SPG11: variants seen among roughly 807,000 people sequenced by gnomAD.
SPG11 encodes SPG11 vesicle trafficking associated, spatacsin, also known as spatacsin.
SPG11 carries 222 observed loss-of-function variants against 274.0 expected under a neutral mutation model. The ratio of observed to expected loss-of-function variants is 0.81; its 90% CI spans 0.73 to 0.91. The LOEUF (loss-of-function observed/expected upper bound fraction) is 0.91. Ranked by LOEUF, SPG11 falls within the 40% of genes least tolerant of loss-of-function variation. SPG11 has a pLI of 0.00. For synonymous variants in SPG11, 1,144 were observed against 1,039.7 expected (o/e 1.10, Z -1.93); for missense variants, 3,114 against 2,872.7 (o/e 1.08, Z -1.92).
At chr15:44,588,789 G>A (rs909734709) in intron 28 of SPG11, among the ~76,000 whole-genome samples, 2 of 152,188 alleles carry the variant, frequency 1.3e-5, no homozygotes, top group South Asian at 2.1e-4. Context: ...GTTAATTACC[G>A]TCTAATGGTG....
At chr15:44,570,325 C>T (rs1236088946) in intron 34 of SPG11, among the ~76,000 whole-genome samples, 200 bp downstream of exon 34, 1 of 152,200 alleles carries the variant, frequency 6.6e-6, no homozygotes, top group African/African-American at 2.4e-5. Context: ...CCTTTCGCTC[C>T]TTTGGAGCAA....
chr15:44,591,106 C>G (rs1221559889), intron 27 of SPG11, among the ~76,000 whole-genome samples: 1 of 152,178 alleles, frequency 6.6e-6, no homozygotes, highest in Non-Finnish European at 1.5e-5. Context: ...ATTTCTCATC[C>G]TCTTCTCTTA....
chr15:44,584,379 G>T lies in SPG11; in HGVS notation c.5301C>A (p.Ser1767Arg). The T allele has an allele frequency of 6.2e-7, 1 of 1,613,588 alleles. No individual in the cohort carries two copies. Among genetic ancestry groups the T allele is most frequent in the Non-Finnish European group, 8.5e-7 (1 of 1,179,636 alleles). ...GCAGCAGATGGCGCTCCTCCATGCT[G>T]CTCCATCCAGTTGGGTGCTCACATG... ...HVACEHPTGW[S>R]SMEERHLLLT... Residue 1767 changes from serine to arginine, a missense_variant, in exon 30 of 40, where the codon AGC (serine) becomes AGA (arginine). Physicochemically the swap from Ser to Arg is moderately radical, Grantham distance 110. Transcript: ENST00000261866.
At chr15:44,632,040 C>T (rs978970276) in intron 8 of SPG11, among the ~76,000 whole-genome samples, 2 of 151,986 alleles carry the variant, frequency 1.3e-5, no homozygotes, top group African/African-American at 2.4e-5. Context: ...AACTCCTGGG[C>T]TCAAGAGATC....
At chr15:44,655,162 C>T (rs1019914187) in intron 4 of SPG11, among the ~76,000 whole-genome samples, 14 of 152,088 alleles carry the variant, frequency 9.2e-5, no homozygotes, top group African/African-American at 3.1e-4. Flanking sequence ...GGCACAGTGA[C>T]GTGAACGTAT....
At chr15:44,574,677 G>A (rs750489221) in intron 31 of SPG11, among the ~76,000 whole-genome samples, 1 of 152,148 alleles carries the variant, frequency 6.6e-6, no homozygotes, top group Non-Finnish European at 1.5e-5. Flanking sequence ...CTAGCTTTCT[G>A]GTTTGCTGAG....
intron 27 of SPG11, among the ~76,000 whole-genome samples, chr15:44,589,755 C>T (rs1378049663): frequency 6.6e-6 from 1 of 152,170 alleles, no homozygotes; most frequent in Non-Finnish European, 1.5e-5. Context: ...AAATTAATAG[C>T]CCTTTGAGTC....
At chr15:44,630,912 C>T (rs1167092419) in intron 8 of SPG11, among the ~76,000 whole-genome samples, 1 of 151,960 alleles carries the variant, frequency 6.6e-6, no homozygotes, top group East Asian at 1.9e-4. Context: ...TATCTTTCCA[C>T]CACATATGAG....
Position 44,563,052 on chromosome 15 carries a change from C to T in SPG11, c.*69G>A, listed in dbSNP as rs2082224670. On this transcript the variant is annotated 3_prime_UTR_variant, in exon 40 of 40. Coordinates refer to ENST00000261866, the MANE Select transcript of SPG11 (RefSeq NM_025137.4). ...TCAACTTTAGCAAAGATCTCCAATGCATTCTTCTTCTCATCACATCTGTCA... is the reference window on the plus strand; with the variant it reads ...TCAACTTTAGCAAAGATCTCCAATGTATTCTTCTTCTCATCACATCTGTCA... 4.1e-6 allele frequency: 6 copies of T among 1,472,522 alleles called. No homozygotes were observed. In the Admixed American group the frequency reaches 8.4e-5, roughly 21 times the overall value. 91.2% of individuals were successfully genotyped at this position (1,472,522 alleles called of 1,614,324 possible).
chr15:44,594,338 A>C (rs368065248), intron 26 of SPG11, among the ~76,000 whole-genome samples: 1 of 151,764 alleles, frequency 6.6e-6, no homozygotes, highest in African/African-American at 2.4e-5. Flanking sequence ...AGGCAGGAGA[A>C]TTGCTTGAAC....
At position 44,584,081 on chromosome 15, in the gene SPG11, C is replaced by T. The variant is rs372419484; in HGVS notation, c.5599G>A (p.Glu1867Lys). Residue 1867 changes from glutamate to lysine, a missense_variant, in exon 30 of 40, where the codon GAG (glutamate) becomes AAG (lysine). Glu to Lys is a moderately conservative substitution (Grantham distance 56). Transcript: ENST00000261866. ...TGCTCTTTCCAATCCAATCTATTCT[C>T]GCATGTCTCTTTGGATGGAAGGCTG... ...LNSLPSKETC[E>K]NRLDWKEQES... The T allele has an allele frequency of 7.4e-5, 119 of 1,614,106 alleles. No homozygotes were observed. Among genetic ancestry groups the T allele is most frequent in the Non-Finnish European group, 8.9e-5 (105 of 1,180,058 alleles).
chr15:44,566,170 G>A, intron 37 of SPG11, 47 bp downstream of exon 37: 1 of 1,605,646 alleles, frequency 6.2e-7, no homozygotes, highest in East Asian at 2.2e-5. Flanking sequence ...TAATTTTACT[G>A]CAGACAGCAA....
Position 44,566,322 on chromosome 15 carries a change from G to C in SPG11, c.6755-17C>G. 1 of 1,579,672 alleles carries C rather than the reference G, an allele frequency of 6.3e-7. No individual in the cohort carries two copies. The highest frequency in any genetic ancestry group is 8.6e-7 in the Non-Finnish European group (1 of 1,167,126). On this transcript the variant is annotated splice_polypyrimidine_tract_variant and intron_variant, in intron 36 of 39. Coordinates refer to ENST00000261866, the MANE Select transcript of SPG11 (RefSeq NM_025137.4). ...GGCTGTCCTCTGTAGGGGAAATAAA[G>C]AAGATTTGCCGAGTCTGACTCCCAA...
At chr15:44,593,754 CTTTT>C (rs112815798) in intron 26 of SPG11, among the ~76,000 whole-genome samples, 2 of 135,528 alleles carry the variant, frequency 1.5e-5, no homozygotes, top group Non-Finnish European at 1.6e-5. Flanking sequence ...TTCATAATAT[CTTTT>C]TTTTTTTTTT....
rs1300432587 is a variant in SPG11, at chr15:44,595,423, T to C, written c.4471A>G (p.Ile1491Val). 2.5e-6 allele frequency: 4 copies of C among 1,614,074 alleles called. No homozygotes were observed. The highest frequency in any genetic ancestry group is 1.7e-5 in the Admixed American group (1 of 60,004). Residue 1491 changes from isoleucine (I) to valine (V), a missense_variant, in exon 26 of 40, where the codon ATC becomes GTC. Transcript: ENST00000261866. ...GCAACATTGTCCTCCACAGAAGTGA[T>C]GATCCAAACACAGAGACAAGAAATG... ...SAISCLCVWI[I>V]TSVEDNVATE...
intron 33 of SPG11, chr15:44,572,418 C>A (rs1225889796): frequency 1.1e-5 from 5 of 451,146 alleles, no homozygotes. Context: ...CAATAACGTT[C>A]TCTTTGCAGG....
chr15:44,575,000 T>C lies in SPG11; in HGVS notation c.5908A>G (p.Ser1970Gly). 1 of 1,614,124 alleles carries C rather than the reference T, an allele frequency of 6.2e-7. No homozygotes were observed. The highest frequency in any genetic ancestry group is 2.2e-5 in the East Asian group (1 of 44,878). Residue 1970 changes from serine (S) to glycine (G), a missense_variant, in exon 31 of 40, where the codon AGT (serine) becomes GGT (glycine). Transcript: ENST00000261866. The stretch of plus-strand genomic sequence containing the variant: ...TCCAGGTTAGTTACCACTTCATTAC[T>C]GGAGGGCACTGTCACAAACTTCTGA... Reference protein sequence around the residue: ...DSQKFVTVPSSNEVVTNLEVL... With the variant: ...DSQKFVTVPSGNEVVTNLEVL...
At chr15:44,631,824 T>C (rs944976141) in intron 8 of SPG11, among the ~76,000 whole-genome samples, 60 of 146,166 alleles carry the variant, frequency 4.1e-4, no homozygotes, top group Non-Finnish European at 6.6e-4. Flanking sequence ...TTTTTTTTTT[T>C]TTGAGACAGA....
intron 4 of SPG11, among the ~76,000 whole-genome samples, chr15:44,654,193 C>T (rs976117616): frequency 6.6e-6 from 1 of 152,184 alleles, no homozygotes; most frequent in Non-Finnish European, 1.5e-5. Context: ...ATAGTTACTA[C>T]TCTATCATTT....
Sources: allele counts gnomAD v4.1 joint callset (sites outside exome capture counted in the v4.1 genomes callset), GRCh38; gene constraint gnomAD v4.1.1; transcripts MANE v1.5; gene names NCBI Gene and HGNC (gene_info 2026-07-23, HGNC 2026-07-21).